The following FBXL13 variants were observed in gnomAD, a reference collection of about 807,000 sequenced individuals.
FBXL13 encodes the protein F-box and leucine rich repeat protein 13.
A neutral mutation model predicts 83.6 loss-of-function variants in FBXL13; 67 were observed. The ratio of observed to expected loss-of-function variants is 0.80; its 90% CI spans 0.66 to 0.98. The LOEUF is 0.98. Among genes scored for constraint, FBXL13 ranks in the 50% least tolerant of loss-of-function variants. The pLI, the probability that FBXL13 is intolerant of heterozygous loss-of-function variation, is 0.00. For synonymous variants in FBXL13, 272 were observed against 299.5 expected, an observed-to-expected ratio of 0.91 and a Z score of 0.95; for missense variants, 822 against 866.5, an observed-to-expected ratio of 0.95 and a Z score of 0.64.
At chr7:103,029,550 G>A (rs994094403) in intron 2 of FBXL13, 132 bp from the exon 4 acceptor site, 1 of 458,090 alleles carries the variant, frequency 2.2e-6, no homozygotes, top group Non-Finnish European at 3.9e-6. Flanking sequence ...TTGGAGACAG[G>A]AATGGGCTGA....
intron 2 of FBXL13, 46 bp downstream of exon 3, chr7:103,055,042 G>C: frequency 8.9e-7 from 1 of 1,124,140 alleles, no homozygotes; most frequent in South Asian, 1.3e-5. Context: ...AAATTCCATC[G>C]AAGTTTAAAA....
chr7:103,064,136 TC>T (rs1411310234), intron 1 of FBXL13, among the ~76,000 whole-genome samples: 8 of 152,188 alleles, frequency 5.3e-5, no homozygotes, highest in African/African-American at 1.4e-4. Context: ...ACTAAGTGCT[TC>T]CCCATCAACA....
chr7:102,868,261 C>A (rs889874168), intron 16 of FBXL13, among the ~76,000 whole-genome samples: 1 of 152,248 alleles, frequency 6.6e-6, no homozygotes, highest in African/African-American at 2.4e-5. Context: ...CTTATTCCTC[C>A]TATCTCACTG....
rs181558692 is a variant in FBXL13, at chr7:102,958,561, T to A, written c.724+4972A>T. ...ATAATAATAATAATAATAATAATAA[T>A]AATAATAAAACAGAGACAGAGAGAG... On this transcript the variant is annotated intron_variant, in intron 8 of 19. Coordinates refer to ENST00000313221, the Ensembl canonical transcript of FBXL13. Among the ~76,000 whole-genome samples the A allele has an allele frequency of 3.8e-3, 414 of 109,638 alleles. 5 individuals carry two copies. Among genetic ancestry groups the A allele is most frequent in the African/African-American group, 0.012 (396 of 34,306 alleles). The allele number at this position is 109,638 out of a possible 152,430, so 71.9% of individuals were successfully genotyped here.
chr7:102,912,598 C>T (rs1450758345), intron 11 of FBXL13, among the ~76,000 whole-genome samples: 3 of 150,766 alleles, frequency 2.0e-5, no homozygotes, highest in East Asian at 1.9e-4. Flanking sequence ...TTCAGCCCAA[C>T]GGTGTAATGC....
intron 18 of FBXL13, among the ~76,000 whole-genome samples, chr7:102,826,733 A>G (rs1405729265): frequency 2.4e-5 from 1 of 41,688 alleles, no homozygotes; most frequent in Admixed American, 2.4e-4. Context: ...TCATATATAT[A>G]TATATATATA....
chr7:102,908,230 A>AT (rs975965940), intron 11 of FBXL13, among the ~76,000 whole-genome samples: 3 of 152,042 alleles, frequency 2.0e-5, no homozygotes, highest in Admixed American at 6.5e-5. Flanking sequence ...TACCAATTGC[A>AT]TTTTTCAGCT....
intron 6 of FBXL13, among the ~76,000 whole-genome samples, chr7:102,980,545 A>T (rs1201453223): frequency 6.6e-6 from 1 of 152,236 alleles, no homozygotes; most frequent in Non-Finnish European, 1.5e-5. Context: ...TGCGAGGCTG[A>T]GGCAGGCGAA....
chr7:103,006,216 T>C (rs1790974518), intron 6 of FBXL13, among the ~76,000 whole-genome samples: 1 of 152,200 alleles, frequency 6.6e-6, no homozygotes, highest in Non-Finnish European at 1.5e-5. Flanking sequence ...TTGAGGCTGC[T>C]GGAATTTTAG....
At chr7:102,924,673 G>A (rs1333020047) in intron 10 of FBXL13, among the ~76,000 whole-genome samples, 13 of 131,364 alleles carry the variant, frequency 9.9e-5, no homozygotes, top group South Asian at 2.3e-4. Flanking sequence ...ATGGGGTCTC[G>A]CTCTGTCGCC....
At chr7:102,822,284 T>C in intron 18 of FBXL13, 81 bp from the exon 20 acceptor site, 1 of 1,255,906 alleles carries the variant, frequency 8.0e-7, no homozygotes, top group Non-Finnish European at 1.2e-6. Context: ...TTTGGGCAAC[T>C]ATAATAAACT....
At chr7:102,883,390 C>T in exon 14 of FBXL13, 1 of 1,613,792 alleles carries the variant, frequency 6.2e-7, no homozygotes, top group Non-Finnish European at 8.5e-7. Context: ...CCCTTGCAGT[C>T]AGCCATATAA....
intron 2 of FBXL13, among the ~76,000 whole-genome samples, chr7:103,053,523 T>C (rs1797044196): frequency 6.6e-6 from 1 of 152,228 alleles, no homozygotes; most frequent in Non-Finnish European, 1.5e-5. Context: ...CCTGATTTTA[T>C]ATAAGGTCTT....
chr7:102,834,121 AG>A (rs1214883202), intron 17 of FBXL13, among the ~76,000 whole-genome samples: 1 of 114,724 alleles, frequency 8.7e-6, no homozygotes, highest in African/African-American at 4.4e-5. Flanking sequence ...AAAGAAAGAA[AG>A]AAAGAAAGAA....
chr7:102,905,938 C>T (rs1351261743), intron 11 of FBXL13, among the ~76,000 whole-genome samples: 1 of 152,112 alleles, frequency 6.6e-6, no homozygotes, highest in African/African-American at 2.4e-5. Flanking sequence ...TTTCATGCTG[C>T]TCATAAAGAC....
chr7:103,045,567 T>C (rs1796189668), intron 2 of FBXL13, among the ~76,000 whole-genome samples: 1 of 152,248 alleles, frequency 6.6e-6, no homozygotes, highest in South Asian at 2.1e-4. Context: ...GGACCCTTTA[T>C]GGGTACCTCT....
At chr7:103,061,449 C>T (rs186465660) in intron 1 of FBXL13, among the ~76,000 whole-genome samples, 3 of 152,258 alleles carry the variant, frequency 2.0e-5, no homozygotes, top group Non-Finnish European at 4.4e-5. Flanking sequence ...GTGTAAACTG[C>T]CTGGCTGGGC....
intron 7 of FBXL13, among the ~76,000 whole-genome samples, chr7:102,967,183 C>A (rs930226872): frequency 6.6e-6 from 1 of 152,002 alleles, no homozygotes; most frequent in Non-Finnish European, 1.5e-5. Context: ...TGGTCTTGAT[C>A]TCTTGATCTT....
chr7:102,933,993 G>A, intron 8 of FBXL13: 1 of 1,614,162 alleles, frequency 6.2e-7, no homozygotes, highest in Non-Finnish European at 8.5e-7. Context: ...GGCAGTGTGA[G>A]AAGCCGAGTG....
Sources: allele counts gnomAD v4.1 joint callset (sites outside exome capture counted in the v4.1 genomes callset), GRCh38; gene constraint gnomAD v4.1.1; transcripts MANE v1.5; gene names NCBI Gene and HGNC (gene_info 2026-07-23, HGNC 2026-07-21).